The following TMTC2 variants were observed in gnomAD, a reference collection of about 807,000 sequenced individuals.
TMTC2 encodes transmembrane O-mannosyltransferase targeting cadherins 2, also known as protein O-mannosyl-transferase TMTC2.
Under a neutral mutation model 82.4 loss-of-function variants are expected in TMTC2, and 43 were observed. The ratio of observed to expected loss-of-function variants is 0.52; its 90% CI spans 0.41 to 0.67. The LOEUF (loss-of-function observed/expected upper bound fraction) is 0.67, where lower values mean the gene tolerates loss of function less well. Among genes scored for constraint, TMTC2 ranks in the 30% least tolerant of loss-of-function variants. The pLI is 0.00. For missense variants in TMTC2, 919 were observed against 1,012.4 expected, an observed-to-expected ratio of 0.91 and a Z score of 1.25; for synonymous variants, 408 against 381.9, an observed-to-expected ratio of 1.07 and a Z score of -0.80.
At chr12:82,925,557 G>C (rs554639723) in intron 3 of TMTC2, among the ~76,000 whole-genome samples, 4 of 152,256 alleles carry the variant, frequency 2.6e-5, no homozygotes, top group African/African-American at 9.6e-5. Flanking sequence ...CATAAACCAA[G>C]CTGGTCAGTG....
At chr12:83,118,566 G>A (rs375449958) in intron 11 of TMTC2, among the ~76,000 whole-genome samples, 3 of 152,174 alleles carry the variant, frequency 2.0e-5, no homozygotes, top group East Asian at 1.9e-4. Context: ...TGTTGGATTC[G>A]GTTAGCTAGT....
At chr12:82,812,244 C>T (rs1273887527) in intron 1 of TMTC2, among the ~76,000 whole-genome samples, 1 of 152,066 alleles carries the variant, frequency 6.6e-6, no homozygotes, top group Non-Finnish European at 1.5e-5. Flanking sequence ...TTGTCTCAGA[C>T]TGTCACTGCA....
intron 11 of TMTC2, among the ~76,000 whole-genome samples, chr12:83,117,011 G>C (rs546651908): frequency 4.6e-5 from 7 of 152,276 alleles, no homozygotes; most frequent in African/African-American, 1.7e-4. Context: ...CTCAACCAAT[G>C]TCTAGAAGGG....
chr12:83,045,725 ACG>A lies in TMTC2; in HGVS notation c.2153-5177_2153-5176del, dbSNP rs1491585640. The stretch of plus-strand genomic sequence containing the variant: ...GGCTCCTTCACACACACACACACAC[ACG>A]CACACACACACACACACACACACAC... On this transcript the variant is annotated intron_variant, in intron 9 of 11. Transcript: ENST00000321196. Among the ~76,000 whole-genome samples, 68 of 72,998 alleles carry A rather than the reference ACG, an allele frequency of 9.3e-4. 2 individuals carry two copies. The highest frequency in any genetic ancestry group is 1.3e-3 in the East Asian group (5 of 3,948). 47.9% of individuals were successfully genotyped at this position (72,998 alleles called of 152,430 possible). A position where few individuals can be genotyped will look rare whatever the true frequency, so the allele number is the denominator to read the frequency against.
At chr12:82,997,848 T>C (rs998464180) in intron 8 of TMTC2, among the ~76,000 whole-genome samples, 1 of 152,092 alleles carries the variant, frequency 6.6e-6, no homozygotes, top group African/African-American at 2.4e-5. Context: ...AAAATATGTA[T>C]ATATTATATC....
intron 11 of TMTC2, among the ~76,000 whole-genome samples, chr12:83,076,125 C>A (rs990755868): frequency 3.9e-5 from 6 of 152,198 alleles, no homozygotes; most frequent in Non-Finnish European, 8.8e-5. Flanking sequence ...ACTGAATTTA[C>A]AGTTTTTCCA....
chr12:83,013,770 C>T (rs1265976249), intron 8 of TMTC2, among the ~76,000 whole-genome samples: 1 of 152,168 alleles, frequency 6.6e-6, no homozygotes, highest in Non-Finnish European at 1.5e-5. Flanking sequence ...CTCCAACTTC[C>T]TTATAATTTT....
At chr12:82,880,372 T>G (rs1872762231) in intron 2 of TMTC2, among the ~76,000 whole-genome samples, 2 of 152,204 alleles carry the variant, frequency 1.3e-5, no homozygotes, top group South Asian at 4.1e-4. Flanking sequence ...TTTATTAAGG[T>G]TTGACTGGCC....
At chr12:83,068,958 G>A (rs1370209261) in intron 11 of TMTC2, among the ~76,000 whole-genome samples, 1 of 152,060 alleles carries the variant, frequency 6.6e-6, no homozygotes, top group East Asian at 1.9e-4. Flanking sequence ...AACATACGAT[G>A]TTTGGTTTTC....
chr12:82,973,707 A>G (rs972398975), intron 7 of TMTC2, among the ~76,000 whole-genome samples: 2 of 152,234 alleles, frequency 1.3e-5, no homozygotes, highest in Non-Finnish European at 2.9e-5. Context: ...TTAAGTAGGT[A>G]ATATATTTTG....
intron 1 of TMTC2, among the ~76,000 whole-genome samples, chr12:82,752,962 G>C (rs948889024): frequency 1.3e-5 from 2 of 151,962 alleles, no homozygotes; most frequent in Non-Finnish European, 2.9e-5. Context: ...AAATCACCTT[G>C]ATCACTTGTT....
intron 2 of TMTC2, among the ~76,000 whole-genome samples, chr12:82,859,721 T>C (rs1259549043): frequency 6.6e-6 from 1 of 152,178 alleles, no homozygotes; most frequent in Non-Finnish European, 1.5e-5. Context: ...AAGTTCCCCA[T>C]GTTAAGAGAA....
intron 7 of TMTC2, among the ~76,000 whole-genome samples, chr12:82,982,408 C>CT (rs564106721): frequency 2.1e-5 from 3 of 145,956 alleles, no homozygotes; most frequent in Non-Finnish European, 4.5e-5. Flanking sequence ...ATTGAGTTAC[C>CT]TTTTTTTAAC....
At chr12:82,978,991 A>T (rs1878804052) in intron 7 of TMTC2, among the ~76,000 whole-genome samples, 1 of 151,734 alleles carries the variant, frequency 6.6e-6, no homozygotes, top group Admixed American at 6.6e-5. Flanking sequence ...GTCTGGTGTA[A>T]GTATAGCTAC....
At chr12:82,780,460 G>A (rs1402297717) in intron 1 of TMTC2, among the ~76,000 whole-genome samples, 1 of 150,266 alleles carries the variant, frequency 6.7e-6, no homozygotes, top group Non-Finnish European at 1.5e-5. Context: ...GAGTGTTTAT[G>A]TTATGCAGAC....
At chr12:82,756,380 AG>A (rs1471427315) in intron 1 of TMTC2, among the ~76,000 whole-genome samples, 3 of 152,174 alleles carry the variant, frequency 2.0e-5, no homozygotes, top group Non-Finnish European at 4.4e-5. Flanking sequence ...TGAAGGGAAA[AG>A]CCTACATATA....
chr12:82,838,530 C>A (rs912704843), intron 1 of TMTC2, among the ~76,000 whole-genome samples: 6 of 152,164 alleles, frequency 3.9e-5, no homozygotes, highest in African/African-American at 1.4e-4. Context: ...CTGATGATAA[C>A]CCCTGGATCA....
intron 1 of TMTC2, among the ~76,000 whole-genome samples, chr12:82,819,823 A>G (rs1170092510): frequency 3.3e-5 from 5 of 152,088 alleles, no homozygotes; most frequent in African/African-American, 1.2e-4. Flanking sequence ...GTACTTTGTA[A>G]GTGTATTAGG....
chr12:82,864,932 C>T (rs535460434), intron 2 of TMTC2, among the ~76,000 whole-genome samples: 1 of 151,480 alleles, frequency 6.6e-6, no homozygotes, highest in African/African-American at 2.4e-5. Flanking sequence ...AAAGCTTTCT[C>T]AGCTGGGTGC....
Sources: gnomAD v4.1 joint callset for allele counts (sites outside exome capture counted in the v4.1 genomes callset) on GRCh38, gnomAD v4.1.1 for gene constraint, MANE v1.5 for transcripts, NCBI Gene and HGNC (gene_info 2026-07-23, HGNC 2026-07-21) for gene names.